Variants in MAP4K5 observed in about 807,000 individuals in gnomAD.
MAP4K5 encodes mitogen-activated protein kinase kinase kinase kinase 5.
A neutral mutation model predicts 135.6 loss-of-function variants in MAP4K5; 82 were observed. The observed-to-expected ratio is 0.60, with a 90% CI of 0.51 to 0.73. The LOEUF is 0.73. Among genes scored for constraint, MAP4K5 ranks in the 30% least tolerant of loss-of-function variants. The pLI is 0.00. For missense variants in MAP4K5, 907 were observed against 1,010.9 expected (o/e 0.90, Z 1.39); for synonymous variants, 347 against 335.0 (o/e 1.04, Z -0.39).
chr14:50,424,203 C>A (rs1325748825), intron 31 of MAP4K5, among the ~76,000 whole-genome samples: 6 of 150,848 alleles, frequency 4.0e-5, no homozygotes, highest in East Asian at 3.9e-4. Context: ...AAGGAGTTTG[C>A]AGTCTACCTG....
At chr14:50,506,813 C>T (rs992827227) in intron 2 of MAP4K5, among the ~76,000 whole-genome samples, 2 of 152,154 alleles carry the variant, frequency 1.3e-5, no homozygotes, top group Admixed American at 6.5e-5. Flanking sequence ...CTCCTAACTA[C>T]GAACACATTT....
intron 2 of MAP4K5, among the ~76,000 whole-genome samples, chr14:50,524,154 G>A (rs933096170): frequency 6.6e-6 from 1 of 152,096 alleles, no homozygotes; most frequent in Non-Finnish European, 1.5e-5. Context: ...TGGGTGATAC[G>A]ACAAACTTAA....
intron 2 of MAP4K5, among the ~76,000 whole-genome samples, chr14:50,520,500 CA>C (rs2038126857): frequency 6.6e-6 from 1 of 151,640 alleles, no homozygotes; most frequent in Non-Finnish European, 1.5e-5. Context: ...GACTCTGTCT[CA>C]AAAAAAGACA....
chr14:50,426,118 A>C (rs1274161335), intron 30 of MAP4K5, 141 bp from the exon 31 acceptor site: 1 of 477,416 alleles, frequency 2.1e-6, no homozygotes, highest in Admixed American at 3.3e-5. Context: ...ATTTCTCAAC[A>C]TTTTTGTGGC....
At chr14:50,441,372 TG>T (rs2036221983) in intron 21 of MAP4K5, among the ~76,000 whole-genome samples, 1 of 152,132 alleles carries the variant, frequency 6.6e-6, no homozygotes, top group African/African-American at 2.4e-5. Flanking sequence ...GCTGATACCA[TG>T]TATCTCCTGA....
chr14:50,422,089 C>G (rs575441130), intron 32 of MAP4K5, among the ~76,000 whole-genome samples: 1 of 152,072 alleles, frequency 6.6e-6, no homozygotes, highest in South Asian at 2.1e-4. Context: ...ACAGCTGATT[C>G]ACCTGCCTCG....
chr14:50,487,129 T>C (rs1280073207), intron 3 of MAP4K5, among the ~76,000 whole-genome samples: 2 of 152,162 alleles, frequency 1.3e-5, no homozygotes, highest in African/African-American at 2.4e-5. Flanking sequence ...ACTGATGTGG[T>C]TTAAACATCT....
rs925682612 is a variant in MAP4K5, at chr14:50,468,899, G to C, written c.543-117C>G. 3.5e-5 allele frequency: 29 copies of C among 823,422 alleles called. No homozygotes were observed. In the African/African-American group the frequency reaches 3.9e-4, roughly 11 times the overall value. The allele number at this position is 823,422 out of a possible 1,614,324, so 51.0% of individuals were successfully genotyped here. A position where few individuals can be genotyped will look rare whatever the true frequency, so the allele number is the denominator to read the frequency against. ...AAGGAAGCTGAGAGGTGTTTACTAG[G>C]AAAGAAGAAACATTACTAAGTAAAG... is the stretch of plus-strand genomic sequence containing the variant. On this transcript the variant is annotated intron_variant, in intron 9 of 32. Coordinates refer to ENST00000682126, the MANE Select transcript of MAP4K5 (RefSeq NM_006575.6).
intron 13 of MAP4K5, among the ~76,000 whole-genome samples, chr14:50,461,988 A>G (rs1038836936): frequency 6.6e-6 from 1 of 152,194 alleles, no homozygotes; most frequent in Non-Finnish European, 1.5e-5. Flanking sequence ...ACAGTTATGA[A>G]TAGCCCTACA....
chr14:50,475,047 G>T, intron 9 of MAP4K5, 30 bp downstream of exon 9: 1 of 1,562,624 alleles, frequency 6.4e-7, no homozygotes, highest in Non-Finnish European at 8.8e-7. Flanking sequence ...AAATGAAAAT[G>T]GATCAAATTC....
intron 19 of MAP4K5, 72 bp from the exon 20 acceptor site, chr14:50,443,842 TTC>T: frequency 6.7e-7 from 1 of 1,491,416 alleles, no homozygotes. Flanking sequence ...CATTTAGAAC[TTC>T]TGTTACTTGA....
chr14:50,433,488 TGTTGTTA>T (rs2036020701), intron 28 of MAP4K5, among the ~76,000 whole-genome samples: 1 of 152,236 alleles, frequency 6.6e-6, no homozygotes, highest in Non-Finnish European at 1.5e-5. Flanking sequence ...CTCAAGAGCC[TGTTGTTA>T]GACATTTACC....
chr14:50,459,088 C>T (rs1348422153), intron 13 of MAP4K5, among the ~76,000 whole-genome samples: 1 of 152,194 alleles, frequency 6.6e-6, no homozygotes, highest in Non-Finnish European at 1.5e-5. Context: ...ACTGGGATTA[C>T]AGGCATTAGC....
chr14:50,444,576 C>A (rs552999467), intron 18 of MAP4K5, among the ~76,000 whole-genome samples: 214 of 152,152 alleles, frequency 1.4e-3, no homozygotes, highest in Non-Finnish European at 2.5e-3. Flanking sequence ...CGGCGAAACC[C>A]CATCTCTACA....
intron 3 of MAP4K5, among the ~76,000 whole-genome samples, chr14:50,501,650 CATAAAT>C (rs937214880): frequency 2.0e-5 from 3 of 151,906 alleles, no homozygotes; most frequent in Non-Finnish European, 4.4e-5. Flanking sequence ...TTGTATGCCA[CATAAAT>C]ATAAACAAAA....
intron 17 of MAP4K5, 151 bp downstream of exon 17, chr14:50,445,928 A>G (rs1200064326): frequency 6.3e-6 from 3 of 476,340 alleles, no homozygotes; most frequent in Non-Finnish European, 1.1e-5. Flanking sequence ...TCTTTACTAT[A>G]TATTTTACAC....
chr14:50,435,304 A>G lies in MAP4K5; in HGVS notation c.1883-239T>C, dbSNP rs578110445. On this transcript the variant is annotated intron_variant, in intron 26 of 32. Coordinates refer to ENST00000682126, the MANE Select transcript of MAP4K5 (RefSeq NM_006575.6). ...AACATAAGAACTTTTGACAAGCACA[A>G]TAACAACCTAACATGCAACCTAAAA... Among the ~76,000 whole-genome samples the G allele has an allele frequency of 3.3e-5, 5 of 152,282 alleles. No individual in the cohort carries two copies. The East Asian group carries it at 5.8e-4, about 18-fold the overall frequency.
chr14:50,468,814 T>G, intron 9 of MAP4K5, 32 bp from the exon 10 acceptor site: 1 of 1,572,932 alleles, frequency 6.4e-7, no homozygotes, highest in Non-Finnish European at 8.6e-7. Flanking sequence ...AACATTTTTG[T>G]TGTTAAATAT....
At chr14:50,513,273 A>G (rs1363398067) in intron 2 of MAP4K5, among the ~76,000 whole-genome samples, 1 of 152,150 alleles carries the variant, frequency 6.6e-6, no homozygotes, top group African/African-American at 2.4e-5. Context: ...AAGTATTTCA[A>G]CTCAAGCCCT....
Sources: gnomAD v4.1 joint callset for allele counts (sites outside exome capture counted in the v4.1 genomes callset) on GRCh38, gnomAD v4.1.1 for gene constraint, MANE v1.5 for transcripts, NCBI Gene and HGNC (gene_info 2026-07-23, HGNC 2026-07-21) for gene names.